The following KASH5 variants were observed in gnomAD, a reference collection of about 807,000 sequenced individuals.
The protein encoded by KASH5 is protein KASH5.
KASH5 carries 72 observed loss-of-function variants against 84.2 expected under a neutral mutation model. The observed-to-expected ratio is 0.85, with a 90% CI of 0.71 to 1.04. The LOEUF (loss-of-function observed/expected upper bound fraction) is 1.04. Among genes scored for constraint, KASH5 ranks in the 50% least tolerant of loss-of-function variants. The pLI is 0.00. For synonymous variants in KASH5, 260 were observed against 279.1 expected, an observed-to-expected ratio of 0.93 and a Z score of 0.68; for missense variants, 650 against 701.0, an observed-to-expected ratio of 0.93 and a Z score of 0.82.
At position 49,395,545 on chromosome 19, in the gene KASH5, G is replaced by T. The variant is rs573704262; in HGVS notation, c.336-224G>T. The T allele has an allele frequency of 9.7e-6, 6 of 617,560 alleles. No individual in the cohort carries two copies. The South Asian group carries it at 1.2e-4, about 12-fold the overall frequency. 38.3% of individuals were successfully genotyped at this position (617,560 alleles called of 1,614,324 possible). A position where few individuals can be genotyped will look rare whatever the true frequency, so the allele number is the denominator to read the frequency against. ...GGGCTGGAGAAGGGAGGAGTTTGGG[G>T]CTGACAGAGGTCCCTCCCCAACCCT... is the stretch of plus-strand genomic sequence containing the variant. On this transcript the variant is annotated intron_variant, in intron 4 of 19. Coordinates refer to ENST00000447857, the MANE Select transcript of KASH5 (RefSeq NM_144688.5). The surrounding 1 kb of genome is among the most constrained non-coding windows in gnomAD (Gnocchi z 4.4).
intron 9 of KASH5, among the ~76,000 whole-genome samples, chr19:49,403,936 G>A (rs989329869): frequency 6.6e-6 from 1 of 152,226 alleles, no homozygotes; most frequent in Non-Finnish European, 1.5e-5. Flanking sequence ...TAATGCTGGA[G>A]TAACAAGACA....
Position 49,412,837 on chromosome 19 carries a change from T to C in KASH5, c.1270-131T>C, listed in dbSNP as rs903686321. 3.9e-6 allele frequency: 3 copies of C among 765,598 alleles called. No individual in the cohort carries two copies. In the East Asian group the frequency reaches 8.1e-5, roughly 21 times the overall value. The allele number at this position is 765,598 out of a possible 1,614,324, so 47.4% of individuals were successfully genotyped here. A position where few individuals can be genotyped will look rare whatever the true frequency, so the allele number is the denominator to read the frequency against. ...CAGGTTGTAGAAGGTGGTGAATTCA[T>C]GTGTAGGTTGCAGCCTGGAAGACCT... is the stretch of plus-strand genomic sequence containing the variant. On this transcript the variant is annotated intron_variant, in intron 15 of 19. Transcript: ENST00000447857. This position sits in a 1 kb window ranked among gnomAD's most constrained non-coding sequence, Gnocchi z 4.6.
intron 2 of KASH5, 21 bp downstream of exon 2, chr19:49,390,947 T>C: frequency 6.2e-7 from 1 of 1,604,626 alleles, no homozygotes; most frequent in Non-Finnish European, 8.5e-7. Flanking sequence ...GGAACCCTAT[T>C]TGCCCCGGGG....
intron 13 of KASH5, 36 bp downstream of exon 13, chr19:49,409,067 G>C (rs114582767): frequency 1.9e-6 from 3 of 1,581,456 alleles, no homozygotes; most frequent in Admixed American, 1.8e-5. Flanking sequence ...GGAGGCAGGA[G>C]GGGAGCCTAA....
chr19:49,401,203 G>A (rs1307351147), intron 9 of KASH5, among the ~76,000 whole-genome samples: 6 of 152,200 alleles, frequency 3.9e-5, no homozygotes, highest in Non-Finnish European at 8.8e-5. Flanking sequence ...CCAGAGCCAG[G>A]GAGGTGATTT....
At position 49,412,800 on chromosome 19, in the gene KASH5, A is replaced by G. The variant is rs1974762982; in HGVS notation, c.1270-168A>G. Among the ~76,000 whole-genome samples the G allele has an allele frequency of 1.3e-5, 2 of 152,196 alleles. No individual in the cohort carries two copies. Among genetic ancestry groups the G allele is most frequent in the Admixed American group, 1.3e-4 (2 of 15,280 alleles). The stretch of plus-strand genomic sequence containing the variant: ...TAGGGCCATCCTCATGTAGGGCAGC[A>G]CGAGAGGAGGGCAGGTTGTAGAAGG... On this transcript the variant is annotated intron_variant, in intron 15 of 19. Coordinates refer to ENST00000447857, the MANE Select transcript of KASH5 (RefSeq NM_144688.5). This position sits in a 1 kb window ranked among gnomAD's most constrained non-coding sequence, Gnocchi z 4.6.
intron 9 of KASH5, among the ~76,000 whole-genome samples, chr19:49,406,128 CAA>C (rs36100015): frequency 2.4e-4 from 23 of 97,636 alleles, no homozygotes; most frequent in Non-Finnish European, 3.7e-4. Flanking sequence ...AACTCTGGCT[CAA>C]AAAAAAAAAA....
chr19:49,394,423 C>T (rs1974105799), intron 2 of KASH5, 53 bp from the exon 3 acceptor site: 5 of 1,458,668 alleles, frequency 3.4e-6, no homozygotes, highest in African/African-American at 2.8e-5. Context: ...GGGGTCACCC[C>T]TCTTCCTTCC....
Position 49,417,421 on chromosome 19 carries a change from C to T in KASH5, c.1600C>T (p.Leu534=). 6.4e-7 allele frequency: 1 copy of T among 1,555,790 alleles called. No individual in the cohort carries two copies. The highest frequency in any genetic ancestry group is 8.7e-7 in the Non-Finnish European group (1 of 1,149,578). The change falls in exon 20 of 20, where the codon CTG becomes TTG. Residue 534 remains leucine (L), a synonymous_variant. Transcript: ENST00000447857. The surrounding 1 kb of genome is among the most constrained non-coding windows in gnomAD (Gnocchi z 5.2). Reference sequence around the variant, plus strand: ...TCCTGTCCTGGGCCTGCTGCTGCTGCTGCTGCTCTCTGTCCTGCTGCTTGG... The same window carrying T: ...TCCTGTCCTGGGCCTGCTGCTGCTGTTGCTGCTCTCTGTCCTGCTGCTTGG... ...PAPVLGLLLL[L]LLSVLLLGPS...
At position 49,395,208 on chromosome 19, in the gene KASH5, A is replaced by G. The variant is rs570541695; in HGVS notation, c.251A>G (p.Asn84Ser). Residue 84 changes from asparagine to serine, a missense_variant, in exon 4 of 20, where the codon AAT (asparagine) becomes AGT (serine). Asn to Ser is a conservative substitution (Grantham distance 46). Transcript: ENST00000447857. This position sits in a 1 kb window ranked among gnomAD's most constrained non-coding sequence, Gnocchi z 4.4. ...ACATTGGCCAACAGCCTGGACCCCAATGGGGAGGGCCCTAAGGCCACTGTG... is the reference window on the plus strand; with the variant it reads ...ACATTGGCCAACAGCCTGGACCCCAGTGGGGAGGGCCCTAAGGCCACTGTG... ...LQTLANSLDPNGEGPKATVDL... is the reference protein window; with the variant it reads ...LQTLANSLDPSGEGPKATVDL... The G allele has an allele frequency of 1.8e-5, 29 of 1,612,578 alleles. 1 individual carries two copies. Among genetic ancestry groups the G allele is most frequent in the Middle Eastern group, 1.7e-4 (1 of 6,050 alleles).
At position 49,414,190 on chromosome 19, in the gene KASH5, C is replaced by T. The variant is rs76881843; in HGVS notation, c.1329-761C>T. Among the ~76,000 whole-genome samples, 692 of 152,208 alleles carry T rather than the reference C, an allele frequency of 4.5e-3. 5 individuals carry two copies. Among genetic ancestry groups the T allele is most frequent in the Non-Finnish European group, 8.1e-3 (554 of 67,998 alleles). On this transcript the variant is annotated intron_variant, in intron 16 of 19. Transcript: ENST00000447857. This position sits in a 1 kb window ranked among gnomAD's most constrained non-coding sequence, Gnocchi z 4.5. ...AGATCTCCTCCTAGACCGAGACTCG[C>T]TGAGGGAAGGGTCAGGTCTCATCTC... is the stretch of plus-strand genomic sequence containing the variant.
intron 10 of KASH5, 104 bp from the exon 11 acceptor site, chr19:49,407,136 G>T: frequency 2.8e-6 from 4 of 1,410,240 alleles, no homozygotes; most frequent in Non-Finnish European, 3.9e-6. Flanking sequence ...ATCTCAGGAG[G>T]CTGAATACGT....
rs75534488 is a variant in KASH5 at position 49,412,057 on chromosome 19, G to A, written c.1270-911G>A. 0.028 allele frequency among the ~76,000 whole-genome samples: 4,308 copies of A among 152,250 alleles called. 194 individuals carry two copies. Among genetic ancestry groups the A allele is most frequent in the African/African-American group, 0.098 (4,065 of 41,524 alleles). On this transcript the variant is annotated intron_variant, in intron 15 of 19. Transcript: ENST00000447857. This position sits in a 1 kb window ranked among gnomAD's most constrained non-coding sequence, Gnocchi z 4.6. Reference sequence around the variant, plus strand: ...TCACGATATGCTTGAGGAGTAGAGGGTAACTAGGGGTGACTAGTGAGAGAT... The same window carrying A: ...TCACGATATGCTTGAGGAGTAGAGGATAACTAGGGGTGACTAGTGAGAGAT...
intron 5 of KASH5, among the ~76,000 whole-genome samples, chr19:49,396,412 G>A (rs1974184376): frequency 6.6e-6 from 1 of 152,042 alleles, no homozygotes; most frequent in Non-Finnish European, 1.5e-5. Flanking sequence ...GCACCACCAC[G>A]CCCAGCTAAT....
At position 49,411,966 on chromosome 19, in the gene KASH5, AGG is replaced by A. The variant is rs1479313863; in HGVS notation, c.1270-1001_1270-1000del. The stretch of plus-strand genomic sequence containing the variant: ...AAGGAAGGAAGGAAGGAAGGAAGGA[AGG>A]AAGGAAAGAAGGAAGCCAGCCTTTG... On this transcript the variant is annotated intron_variant, in intron 15 of 19. Transcript: ENST00000447857. 9.1e-3 allele frequency among the ~76,000 whole-genome samples: 1,307 copies of A among 143,440 alleles called. 7 individuals are homozygous for A. Among genetic ancestry groups the A allele is most frequent in the Non-Finnish European group, 0.013 (907 of 67,296 alleles). 94.1% of individuals were successfully genotyped at this position (143,440 alleles called of 152,430 possible).
intron 7 of KASH5, 99 bp downstream of exon 7, chr19:49,398,242 C>T: frequency 9.7e-7 from 1 of 1,034,126 alleles, no homozygotes; most frequent in Non-Finnish European, 1.4e-6. Flanking sequence ...GCATCCTGCT[C>T]TTTGACTCTG....
chr19:49,417,345 A>T lies in KASH5; in HGVS notation c.1548-24A>T. 6.4e-7 allele frequency: 1 copy of T among 1,555,762 alleles called. No individual in the cohort carries two copies. Among genetic ancestry groups the T allele is most frequent in the Non-Finnish European group, 8.7e-7 (1 of 1,148,696 alleles). On this transcript the variant is annotated intron_variant, in intron 19 of 19. Transcript: ENST00000447857. The surrounding 1 kb of genome is among the most constrained non-coding windows in gnomAD (Gnocchi z 5.2). ...CAGGGGCTGCCCAGACCCTGCCCTAAATGCTCTCCCACCTCCCCACCAGAG... is the reference window on the plus strand; with the variant it reads ...CAGGGGCTGCCCAGACCCTGCCCTATATGCTCTCCCACCTCCCCACCAGAG...
rs1974132320 is a variant in KASH5, at chr19:49,395,149, G to A, written c.192G>A (p.Val64=). The A allele has an allele frequency of 6.2e-7, 1 of 1,612,436 alleles. No homozygotes were observed. The highest frequency in any genetic ancestry group is 1.3e-5 in the African/African-American group (1 of 74,964). The change falls in exon 4 of 20, where the codon GTG becomes GTA. Residue 64 remains valine, a synonymous_variant. Transcript: ENST00000447857. The surrounding 1 kb of genome is among the most constrained non-coding windows in gnomAD (Gnocchi z 4.4). ...AGGTGCTGGCCTACCTGGAGGCTGT[G>A]ACAGGCCAGGGCCCCCAGGATGCAC... is the stretch of plus-strand genomic sequence containing the variant. The part of the protein sequence containing the change: ...VAQVLAYLEA[V]TGQGPQDARL...
intron 9 of KASH5, among the ~76,000 whole-genome samples, chr19:49,400,295 C>T (rs905365172): frequency 6.8e-6 from 1 of 147,924 alleles, no homozygotes; most frequent in Admixed American, 6.7e-5. Context: ...CCGCCACTTA[C>T]ACAATAGGCA....
Sources: gnomAD v4.1 joint callset for allele counts (sites outside exome capture counted in the v4.1 genomes callset) on GRCh38, gnomAD v4.1.1 for gene constraint, Gnocchi (gnomAD v3.1) non-coding constraint, MANE v1.5 for transcripts, NCBI Gene and HGNC (gene_info 2026-07-23, HGNC 2026-07-21) for gene names.